EXOC2: variants seen among roughly 807,000 people sequenced by gnomAD.
EXOC2 encodes SEC5-like 1.
Under a neutral mutation model 131.8 loss-of-function variants are expected in EXOC2, and 70 were observed. The ratio of observed to expected loss-of-function variants is 0.53; its 90% CI spans 0.44 to 0.65. The LOEUF (loss-of-function observed/expected upper bound fraction) is 0.65, where lower values mean the gene tolerates loss of function less well. Among genes scored for constraint, EXOC2 ranks in the 30% least tolerant of loss-of-function variants. EXOC2 has a pLI of 0.00. For synonymous variants in EXOC2, 411 were observed against 398.4 expected, an observed-to-expected ratio of 1.03 and a Z score of -0.38; for missense variants, 923 against 1,108.6, an observed-to-expected ratio of 0.83 and a Z score of 2.38.
chr6:485,285 C>T lies in EXOC2; in HGVS notation c.*1386G>A, dbSNP rs1762987514. 2 of 152,182 alleles carry T rather than the reference C, an allele frequency of 1.3e-5. No individual in the cohort carries two copies. Among genetic ancestry groups the T allele is most frequent in the African/African-American group, 4.8e-5 (2 of 41,432 alleles). 9.4% of individuals were successfully genotyped at this position (152,182 alleles called of 1,614,324 possible). ...CAACAGTTAACATACTTAGGAAAGA[C>T]AATTCTTAACAGCTTTATCAAGCAC... On this transcript the variant is annotated 3_prime_UTR_variant, in exon 28 of 28. Coordinates refer to ENST00000230449, the MANE Select transcript of EXOC2 (RefSeq NM_018303.6).
intron 2 of EXOC2, among the ~76,000 whole-genome samples, chr6:636,374 T>C (rs1263465210): frequency 2.0e-5 from 3 of 152,200 alleles, no homozygotes; most frequent in East Asian, 3.8e-4. Context: ...AATCAAAAAC[T>C]ACCCAGGTTT....
Position 501,159 on chromosome 6 carries a change from A to C in EXOC2, c.2381-1459T>G, listed in dbSNP as rs1363950464. Among the ~76,000 whole-genome samples the C allele has an allele frequency of 1.0e-3, 28 of 26,762 alleles. 1 individual carries two copies. Among genetic ancestry groups the C allele is most frequent in the African/African-American group, 4.0e-3 (27 of 6,670 alleles). The allele number at this position is 26,762 out of a possible 152,430, so 17.6% of individuals were successfully genotyped here. ...ATATCTATATATATTATATATATCT[A>C]TATATATTATATATATCTATATATT... On this transcript the variant is annotated intron_variant, in intron 23 of 27. Coordinates refer to ENST00000230449, the MANE Select transcript of EXOC2 (RefSeq NM_018303.6).
At chr6:613,719 C>T (rs1233797614) in intron 6 of EXOC2, among the ~76,000 whole-genome samples, 1 of 152,114 alleles carries the variant, frequency 6.6e-6, no homozygotes, top group Non-Finnish European at 1.5e-5. Context: ...CACTGCTGGT[C>T]AACTCAGAGC....
At chr6:635,380 C>T (rs534460854) in intron 2 of EXOC2, among the ~76,000 whole-genome samples, 5 of 152,176 alleles carry the variant, frequency 3.3e-5, no homozygotes, top group African/African-American at 7.2e-5. Context: ...GCTGCTTTCA[C>T]GATTCCTCTG....
In EXOC2 at chr6:671,354, C is replaced by CAAAA. The variant is rs60588220; in HGVS notation, c.-44+21661_-44+21664dup. Among the ~76,000 whole-genome samples, 23 of 149,570 alleles carry CAAAA rather than the reference C, an allele frequency of 1.5e-4. 1 individual carries two copies. The South Asian group carries it at 4.2e-3, about 27-fold the overall frequency. On this transcript the variant is annotated intron_variant, in intron 1 of 27. Coordinates refer to ENST00000230449, the MANE Select transcript of EXOC2 (RefSeq NM_018303.6). ...TGTCTCAAAACAACAACAACAACAA[C>CAAAA]AAAAAAAAACAAAAAAAGAAAAACT...
At chr6:546,749 A>G (rs1489577484) in intron 22 of EXOC2, among the ~76,000 whole-genome samples, 1 of 152,258 alleles carries the variant, frequency 6.6e-6, no homozygotes. Flanking sequence ...ACTATATTAC[A>G]GGAATACAGT....
At chr6:573,752 G>A (rs1758423256) in intron 12 of EXOC2, among the ~76,000 whole-genome samples, 1 of 151,572 alleles carries the variant, frequency 6.6e-6, no homozygotes, top group South Asian at 2.1e-4. Context: ...TATTTGATCA[G>A]GTAATACATG....
At chr6:684,435 G>C (rs368772278) in intron 1 of EXOC2, among the ~76,000 whole-genome samples, 9 of 152,136 alleles carry the variant, frequency 5.9e-5, no homozygotes, top group Non-Finnish European at 8.8e-5. Context: ...CAGGTCAAAA[G>C]AGAAAATTAC....
chr6:517,128 G>A (rs1043180336), intron 23 of EXOC2, among the ~76,000 whole-genome samples: 1 of 152,130 alleles, frequency 6.6e-6, no homozygotes, highest in African/African-American at 2.4e-5. Context: ...GCCAGTTGGG[G>A]GTAGACAGGG....
chr6:628,049 G>T (rs922799602), intron 4 of EXOC2, among the ~76,000 whole-genome samples: 1 of 152,174 alleles, frequency 6.6e-6, no homozygotes, highest in African/African-American at 2.4e-5. Flanking sequence ...GAAGAGCAAA[G>T]AATCCTGTAA....
intron 27 of EXOC2, among the ~76,000 whole-genome samples, 165 bp from the exon 28 acceptor site, chr6:486,929 C>CAATCA (rs1352499872): frequency 6.6e-6 from 1 of 151,664 alleles, no homozygotes; most frequent in African/African-American, 2.4e-5. Flanking sequence ...AGAAACACAT[C>CAATCA]AAAGAAGTTG....
intron 23 of EXOC2, among the ~76,000 whole-genome samples, chr6:521,881 T>A (rs1286760618): frequency 6.6e-6 from 1 of 152,206 alleles, no homozygotes; most frequent in East Asian, 1.9e-4. Flanking sequence ...TTATCCTAAT[T>A]AATAAACCAA....
chr6:678,225 C>G (rs1001217840), intron 1 of EXOC2, among the ~76,000 whole-genome samples: 3 of 152,184 alleles, frequency 2.0e-5, no homozygotes, highest in Admixed American at 2.0e-4. Flanking sequence ...AGAAAAGACA[C>G]TTAACCAAGA....
intron 4 of EXOC2, among the ~76,000 whole-genome samples, chr6:625,232 T>G (rs17756753): frequency 0.34 from 51,276 of 152,194 alleles, 8,950 homozygotes; most frequent in Middle Eastern, 0.42. Flanking sequence ...GAGGACTCTC[T>G]GCAGCAATGA....
intron 14 of EXOC2, 69 bp downstream of exon 14, chr6:564,795 T>C (rs776305235): frequency 3.9e-5 from 62 of 1,584,492 alleles, no homozygotes; most frequent in Non-Finnish European, 4.7e-5. Flanking sequence ...ATGGATGTCT[T>C]GAATACAAAG....
At chr6:487,531 T>C (rs1763146867) in intron 27 of EXOC2, among the ~76,000 whole-genome samples, 1 of 152,106 alleles carries the variant, frequency 6.6e-6, no homozygotes, top group Non-Finnish European at 1.5e-5. Context: ...CTCAGCCTCC[T>C]GAGTAGCTGA....
intron 7 of EXOC2, among the ~76,000 whole-genome samples, chr6:606,160 C>A (rs1760398967): frequency 6.6e-6 from 1 of 152,126 alleles, no homozygotes; most frequent in Non-Finnish European, 1.5e-5. Context: ...AGCAAACTAT[C>A]ACAAGGACAA....
rs146900201 is a variant in EXOC2 at position 489,950 on chromosome 6, G to A, written c.2622-912C>T. Among the ~76,000 whole-genome samples, 134 of 152,326 alleles carry A rather than the reference G, an allele frequency of 8.8e-4. 2 individuals are homozygous for A. The East Asian group carries it at 0.023, about 26-fold the overall frequency. Reference sequence around the variant, plus strand: ...CATCTCCAGCTGCTCCCGGGAGGGCGCGGTGGGGTGTGGGACGGGTGGCTT... The same window carrying A: ...CATCTCCAGCTGCTCCCGGGAGGGCACGGTGGGGTGTGGGACGGGTGGCTT... On this transcript the variant is annotated intron_variant, in intron 26 of 27. Transcript: ENST00000230449.
intron 22 of EXOC2, among the ~76,000 whole-genome samples, chr6:533,410 C>T (rs1766222280): frequency 6.6e-6 from 1 of 152,178 alleles, no homozygotes; most frequent in African/African-American, 2.4e-5. Flanking sequence ...ACTCCAGTAA[C>T]CCCAGTGTGG....
Sources: gnomAD v4.1 joint callset for allele counts (sites outside exome capture counted in the v4.1 genomes callset) on GRCh38, gnomAD v4.1.1 for gene constraint, MANE v1.5 for transcripts, NCBI Gene and HGNC (gene_info 2026-07-23, HGNC 2026-07-21) for gene names.